TMEM132D: variants seen among roughly 807,000 people sequenced by gnomAD.
TMEM132D encodes the protein mature OL transmembrane protein.
TMEM132D carries 21 observed loss-of-function variants against 62.3 expected under a neutral mutation model. That is an observed-to-expected ratio of 0.34 (90% CI 0.24 to 0.49). TMEM132D has a LOEUF of 0.49. TMEM132D is among the 20% of genes least tolerant of loss of function. The pLI, the probability that TMEM132D is intolerant of heterozygous loss-of-function variation, is 0.99. For missense variants in TMEM132D, 1,346 were observed against 1,402.8 expected, an observed-to-expected ratio of 0.96 and a Z score of 0.65; for synonymous variants, 621 against 575.6, an observed-to-expected ratio of 1.08 and a Z score of -1.13.
chr12:129,579,366 A>C (rs944221242), intron 2 of TMEM132D, among the ~76,000 whole-genome samples: 3 of 152,138 alleles, frequency 2.0e-5, no homozygotes, highest in Admixed American at 2.0e-4. Context: ...GTATATATGG[A>C]AGGGAGTTTA....
At chr12:129,699,642 G>A (rs34488300) in intron 2 of TMEM132D, among the ~76,000 whole-genome samples, 168 bp downstream of exon 2, 448 of 152,316 alleles carry the variant, frequency 2.9e-3, no homozygotes, top group Non-Finnish European at 5.4e-3. Flanking sequence ...TGCCAACCCG[G>A]AACGATCAGA....
At chr12:129,847,371 A>G (rs1360876693) in intron 1 of TMEM132D, among the ~76,000 whole-genome samples, 1 of 152,160 alleles carries the variant, frequency 6.6e-6, no homozygotes, top group Non-Finnish European at 1.5e-5. Flanking sequence ...GAAATGCTTC[A>G]AGAGAAACAG....
rs1027601528 is a variant in TMEM132D at position 129,747,723 on chromosome 12, CACAG to C, written c.80-47029_80-47026del. Among the ~76,000 whole-genome samples the C allele has an allele frequency of 3.6e-3, 548 of 150,526 alleles. 7 individuals carry two copies. Among genetic ancestry groups the C allele is most frequent in the African/African-American group, 0.013 (521 of 40,992 alleles). On this transcript the variant is annotated intron_variant, in intron 1 of 8. Coordinates refer to ENST00000422113, the MANE Select transcript of TMEM132D (RefSeq NM_133448.3). ...CACTCAACACACACTCAGACATACA[CACAG>C]ACACACACACACTTGACACACACAC...
intron 3 of TMEM132D, among the ~76,000 whole-genome samples, chr12:129,482,945 CTGTGTGTGTGTGTGTGTGTGTGTGTG>C (rs59346043): frequency 6.9e-6 from 1 of 144,182 alleles, no homozygotes; most frequent in South Asian, 2.3e-4. Context: ...CATATTTAAT[CTGTGTGTGTGTGTGTGTGTGTGTGTG>C]TGTGTGTGTG....
chr12:129,272,525 T>A lies in TMEM132D; in HGVS notation c.1300-62862A>T, dbSNP rs138802215. On this transcript the variant is annotated intron_variant, in intron 4 of 8. Transcript: ENST00000422113. ...CTTGATAAATGGGGTATTTCTTTAT[T>A]TTGTGAAACAATATTGTTATTAAGA... 3.7e-4 allele frequency among the ~76,000 whole-genome samples: 56 copies of A among 152,024 alleles called. 3 individuals are homozygous for A. Among genetic ancestry groups the A allele is most frequent in the African/African-American group, 1.3e-3 (52 of 41,270 alleles).
At chr12:129,325,548 C>T (rs1868879784) in intron 4 of TMEM132D, among the ~76,000 whole-genome samples, 1 of 152,126 alleles carries the variant, frequency 6.6e-6, no homozygotes, top group South Asian at 2.1e-4. Flanking sequence ...GTGAGAAATA[C>T]AACAAGTCTC....
At chr12:129,482,945 CTGTGTGTGTGTGTGTGTGTGTGTG>C (rs59346043) in intron 3 of TMEM132D, among the ~76,000 whole-genome samples, 1 of 144,182 alleles carries the variant, frequency 6.9e-6, no homozygotes, top group African/African-American at 2.5e-5. Flanking sequence ...CATATTTAAT[CTGTGTGTGTGTGTGTGTGTGTGTG>C]TGTGTGTGTG....
chr12:129,326,218 C>A (rs7967817), intron 4 of TMEM132D, among the ~76,000 whole-genome samples: 26 of 151,980 alleles, frequency 1.7e-4, no homozygotes, highest in Non-Finnish European at 3.5e-4. Context: ...ACTTTTCTCA[C>A]GATAACACTA....
At chr12:129,099,815 TA>T (rs1434921055) in intron 5 of TMEM132D, among the ~76,000 whole-genome samples, 1 of 141,140 alleles carries the variant, frequency 7.1e-6, no homozygotes, top group Non-Finnish European at 1.5e-5. Context: ...TATTTTTTTT[TA>T]TTTTTTTTAT....
chr12:129,878,095 G>T (rs2137383343), intron 1 of TMEM132D, among the ~76,000 whole-genome samples: 1 of 152,208 alleles, frequency 6.6e-6, no homozygotes, highest in Middle Eastern at 3.4e-3. Context: ...TTTGAAAACG[G>T]ATTTATTTAA....
rs1030289355 is a variant in TMEM132D, at chr12:129,740,739, GA to G, written c.80-40042del. On this transcript the variant is annotated intron_variant, in intron 1 of 8. Transcript: ENST00000422113. ...GCTATACATTCTTTTGGTACCTATT[GA>G]AAAAAAAATCACTTCAAAACCAATC... Among the ~76,000 whole-genome samples the G allele has an allele frequency of 6.6e-5, 10 of 150,570 alleles. No individual in the cohort carries two copies. The East Asian group carries it at 1.2e-3, about 18-fold the overall frequency.
rs555661570 is a variant in TMEM132D, at chr12:129,403,818, C to G, written c.1116-66001G>C. ...TTACTAGGAAGGTAGGCAGAGGAGA[C>G]TCTGCAGAGGTGACATTTAAGCAAA... On this transcript the variant is annotated intron_variant, in intron 3 of 8. Transcript: ENST00000422113. Among the ~76,000 whole-genome samples, 4 of 152,178 alleles carry G rather than the reference C, an allele frequency of 2.6e-5. No individual in the cohort carries two copies. In the South Asian group the frequency reaches 8.3e-4, roughly 32 times the overall value.
intron 1 of TMEM132D, among the ~76,000 whole-genome samples, chr12:129,722,824 C>CT (rs1469584031): frequency 8.0e-5 from 12 of 150,638 alleles, no homozygotes; most frequent in African/African-American, 2.9e-4. Flanking sequence ...ACTGCAACCT[C>CT]TGCTTCTCAG....
In TMEM132D at chr12:129,597,320, C is replaced by T. The variant is rs528565581; in HGVS notation, c.969-66115G>A. On this transcript the variant is annotated intron_variant, in intron 2 of 8. Coordinates refer to ENST00000422113, the MANE Select transcript of TMEM132D (RefSeq NM_133448.3). The stretch of plus-strand genomic sequence containing the variant: ...TACTCCTGTTTACTTTATTTGTACA[C>T]ATTGGTAACCAGAATGTCATAAATT... 2.0e-5 allele frequency among the ~76,000 whole-genome samples: 3 copies of T among 152,272 alleles called. No individual in the cohort carries two copies. In the South Asian group the frequency reaches 6.2e-4, roughly 32 times the overall value.
intron 5 of TMEM132D, among the ~76,000 whole-genome samples, chr12:129,148,960 C>T (rs1351757426): frequency 6.6e-6 from 1 of 152,096 alleles, no homozygotes; most frequent in East Asian, 1.9e-4. Context: ...TGTTCTCCAG[C>T]GTGGGTCTCC....
intron 3 of TMEM132D, among the ~76,000 whole-genome samples, chr12:129,385,492 C>A (rs1871085260): frequency 6.6e-6 from 1 of 152,100 alleles, no homozygotes; most frequent in Non-Finnish European, 1.5e-5. Context: ...TTCCCAGTGA[C>A]CTGAAAATAA....
intron 4 of TMEM132D, among the ~76,000 whole-genome samples, chr12:129,269,143 C>T (rs1420526315): frequency 6.6e-6 from 1 of 152,132 alleles, no homozygotes; most frequent in Admixed American, 6.5e-5. Flanking sequence ...ACGTTGTGCA[C>T]ATGTCCCCTA....
intron 2 of TMEM132D, among the ~76,000 whole-genome samples, chr12:129,605,622 TACACACACAC>T (rs55684861): frequency 7.9e-6 from 1 of 126,838 alleles, no homozygotes; most frequent in African/African-American, 3.0e-5. Context: ...CATATATATA[TACACACACAC>T]ACACACACAC....
At chr12:129,792,982 G>A (rs1011432611) in intron 1 of TMEM132D, among the ~76,000 whole-genome samples, 3 of 152,172 alleles carry the variant, frequency 2.0e-5, no homozygotes, top group Non-Finnish European at 4.4e-5. Context: ...ATACAGATTA[G>A]ACGATATTAT....
Sources: allele counts gnomAD v4.1 joint callset (sites outside exome capture counted in the v4.1 genomes callset), GRCh38; gene constraint gnomAD v4.1.1; transcripts MANE v1.5; gene names NCBI Gene and HGNC (gene_info 2026-07-23, HGNC 2026-07-21).